The following CTNND2 variants were observed in gnomAD, a reference collection of about 807,000 sequenced individuals.
CTNND2 encodes catenin delta 2.
CTNND2 carries 22 observed loss-of-function variants against 144.4 expected under a neutral mutation model. The ratio of observed to expected loss-of-function variants is 0.15; its 90% CI spans 0.11 to 0.22. The LOEUF is 0.22. CTNND2 is among the 10% of genes least tolerant of loss of function. The pLI is 1.00. For synonymous variants in CTNND2, 751 were observed against 695.6 expected, an observed-to-expected ratio of 1.08 and a Z score of -1.25; for missense variants, 1,353 against 1,618.8, an observed-to-expected ratio of 0.84 and a Z score of 2.82.
intron 9 of CTNND2, among the ~76,000 whole-genome samples, chr5:11,277,831 T>C (rs1746704046): frequency 6.6e-6 from 1 of 152,096 alleles, no homozygotes; most frequent in South Asian, 2.1e-4. Context: ...GCATCCAGCC[T>C]GCTTTAGGCT....
chr5:11,022,577 G>A (rs1742372514), intron 17 of CTNND2, among the ~76,000 whole-genome samples, 192 bp downstream of exon 17: 1 of 152,202 alleles, frequency 6.6e-6, no homozygotes, highest in African/African-American at 2.4e-5. Context: ...ACATGGGTGT[G>A]CTGGATCGTC....
At position 11,041,216 on chromosome 5, in the gene CTNND2, G is replaced by A. The variant is rs564053297; in HGVS notation, c.2789-18237C>T. On this transcript the variant is annotated intron_variant, in intron 16 of 21. Transcript: ENST00000304623. ...AATCAGACCCAATTAAGGATATGGA[G>A]AGAGGGAATCATCTGTTGGTTTTCT... Among the ~76,000 whole-genome samples the A allele has an allele frequency of 7.2e-5, 11 of 152,336 alleles. No homozygotes were observed. The East Asian group carries it at 1.2e-3, about 16-fold the overall frequency.
chr5:11,394,871 T>A (rs1036222756), intron 6 of CTNND2, among the ~76,000 whole-genome samples: 1 of 152,310 alleles, frequency 6.6e-6, no homozygotes, highest in Non-Finnish European at 1.5e-5. Context: ...AGATAAAAAA[T>A]TATTGCTTTA....
intron 1 of CTNND2, among the ~76,000 whole-genome samples, chr5:11,769,966 T>A (rs1789822416): frequency 6.6e-6 from 1 of 152,234 alleles, no homozygotes; most frequent in African/African-American, 2.4e-5. Flanking sequence ...CCAGTTTGAA[T>A]AACTTTCTGT....
At chr5:11,241,733 C>A (rs982017053) in intron 9 of CTNND2, among the ~76,000 whole-genome samples, 3 of 151,986 alleles carry the variant, frequency 2.0e-5, no homozygotes, top group African/African-American at 7.3e-5. Context: ...GGAGATATAC[C>A]CCAGAGAAAT....
At chr5:11,211,655 C>T (rs1168662961) in intron 10 of CTNND2, among the ~76,000 whole-genome samples, 1 of 152,226 alleles carries the variant, frequency 6.6e-6, no homozygotes, top group Non-Finnish European at 1.5e-5. Context: ...CAGAAAGACA[C>T]AGCCCTTCAT....
chr5:11,559,190 A>G (rs1776485815), intron 3 of CTNND2, among the ~76,000 whole-genome samples: 1 of 152,178 alleles, frequency 6.6e-6, no homozygotes, highest in Non-Finnish European at 1.5e-5. Flanking sequence ...TGGAAGACAG[A>G]CAGATAGGAT....
intron 3 of CTNND2, among the ~76,000 whole-genome samples, chr5:11,460,855 T>C (rs1356008571): frequency 3.3e-5 from 5 of 152,010 alleles, no homozygotes; most frequent in Admixed American, 3.3e-4. Flanking sequence ...ATCAAGACCA[T>C]ACTGACCAAC....
At chr5:11,571,847 C>T (rs1777582373) in intron 2 of CTNND2, among the ~76,000 whole-genome samples, 1 of 152,144 alleles carries the variant, frequency 6.6e-6, no homozygotes, top group Admixed American at 6.5e-5. Context: ...GGTTTACCAG[C>T]TCATGAATTG....
At chr5:11,187,324 GACAAACCTAACAA>G (rs1735734992) in intron 11 of CTNND2, among the ~76,000 whole-genome samples, 1 of 152,026 alleles carries the variant, frequency 6.6e-6, no homozygotes, top group Non-Finnish European at 1.5e-5. Context: ...TCTGATCTTT[GACAAACCTAACAA>G]AAACAAGCAA....
intron 9 of CTNND2, among the ~76,000 whole-genome samples, chr5:11,254,188 G>T (rs981512061): frequency 2.0e-5 from 3 of 152,176 alleles, no homozygotes; most frequent in African/African-American, 7.2e-5. Context: ...ATAAACATTA[G>T]TAGTCAATCC....
Position 11,407,326 on chromosome 5 carries a change from C to T in CTNND2, c.439+4210G>A, listed in dbSNP as rs552158012. Among the ~76,000 whole-genome samples, 435 of 152,164 alleles carry T rather than the reference C, an allele frequency of 2.9e-3. 3 individuals are homozygous for T. Among genetic ancestry groups the T allele is most frequent in the Non-Finnish European group, 4.2e-3 (286 of 67,982 alleles). On this transcript the variant is annotated intron_variant, in intron 5 of 21. Coordinates refer to ENST00000304623, the MANE Select transcript of CTNND2 (RefSeq NM_001332.4). ...TTTGTTAAAATTGAAATTACACAGC[C>T]GGTAGTCACAAAAAAGAGGCAGGGT...
At chr5:11,367,613 C>T (rs757441755) in intron 7 of CTNND2, among the ~76,000 whole-genome samples, 1 of 152,106 alleles carries the variant, frequency 6.6e-6, no homozygotes, top group Non-Finnish European at 1.5e-5. Context: ...TACATCTTTG[C>T]CAGGGACTGG....
intron 16 of CTNND2, among the ~76,000 whole-genome samples, chr5:11,078,854 C>CATTT (rs1226303412): frequency 6.6e-6 from 1 of 152,194 alleles, no homozygotes; most frequent in Non-Finnish European, 1.5e-5. Flanking sequence ...CAGATCTACA[C>CATTT]AATTCACAGA....
At chr5:11,578,758 T>A (rs1778171144) in intron 2 of CTNND2, among the ~76,000 whole-genome samples, 1 of 152,172 alleles carries the variant, frequency 6.6e-6, no homozygotes, top group Non-Finnish European at 1.5e-5. Flanking sequence ...TCAGAGAGGT[T>A]AAGTGAATAA....
At chr5:11,082,173 A>T (rs1749642724) in intron 16 of CTNND2, among the ~76,000 whole-genome samples, 1 of 152,196 alleles carries the variant, frequency 6.6e-6, no homozygotes, top group African/African-American at 2.4e-5. Context: ...GCCTGGAACA[A>T]AGCAGGCCAT....
chr5:11,466,385 CA>C, intron 3 of CTNND2, among the ~76,000 whole-genome samples: 1 of 152,088 alleles, frequency 6.6e-6, no homozygotes, highest in Non-Finnish European at 1.5e-5. Flanking sequence ...TTCAGTATCC[CA>C]GGACTTATCT....
chr5:11,560,158 A>G (rs1008432579), intron 3 of CTNND2, among the ~76,000 whole-genome samples: 3 of 152,192 alleles, frequency 2.0e-5, no homozygotes, highest in African/African-American at 7.2e-5. Flanking sequence ...TTCAAAGAGT[A>G]CTAGCCCTCA....
intron 9 of CTNND2, among the ~76,000 whole-genome samples, chr5:11,323,508 C>T (rs1752252624): frequency 6.6e-6 from 1 of 152,138 alleles, no homozygotes; most frequent in African/African-American, 2.4e-5. Context: ...CCAAGCAACA[C>T]CATTCTGAAA....
Sources: gnomAD v4.1 joint callset for allele counts (sites outside exome capture counted in the v4.1 genomes callset) on GRCh38, gnomAD v4.1.1 for gene constraint, MANE v1.5 for transcripts, NCBI Gene and HGNC (gene_info 2026-07-23, HGNC 2026-07-21) for gene names.